Variants in ARB2A observed in about 807,000 individuals in gnomAD.
The protein encoded by ARB2A is cotranscriptional regulator ARB2A.
chr5:94,019,417 G>A, the ARB2A span, among the ~76,000 whole-genome samples: 1 of 152,028 alleles, frequency 6.6e-6, no homozygotes, highest in Admixed American at 6.6e-5. Flanking sequence ...CTAATATCCA[G>A]AATCTACAAA....
At chr5:93,950,504 G>A in the ARB2A span, among the ~76,000 whole-genome samples, 2 of 152,128 alleles carry the variant, frequency 1.3e-5, no homozygotes, top group Non-Finnish European at 2.9e-5. Flanking sequence ...TTAGCCAGGC[G>A]TGGTGGTGCA....
At chr5:94,054,066 C>T in the ARB2A span, among the ~76,000 whole-genome samples, 1 of 152,178 alleles carries the variant, frequency 6.6e-6, no homozygotes, top group African/African-American at 2.4e-5. Context: ...CCATGCCTCG[C>T]TGAGTTTTGG....
the ARB2A span, among the ~76,000 whole-genome samples, chr5:93,948,076 A>T: frequency 1.1e-4 from 17 of 152,178 alleles, no homozygotes. Context: ...TAGATCCCTG[A>T]GGAATCGCCA....
chr5:93,732,032 T>C, the ARB2A span, among the ~76,000 whole-genome samples: 2 of 152,160 alleles, frequency 1.3e-5, no homozygotes, highest in Non-Finnish European at 2.9e-5. Context: ...ATAGCTATGC[T>C]CCTAGCTGGA....
chr5:93,916,409 T>C, the ARB2A span, among the ~76,000 whole-genome samples: 1 of 152,176 alleles, frequency 6.6e-6, no homozygotes, highest in Non-Finnish European at 1.5e-5. Flanking sequence ...AATGTATATT[T>C]ACAATGTATT....
At chr5:93,755,633 A>G in the ARB2A span, among the ~76,000 whole-genome samples, 1 of 152,172 alleles carries the variant, frequency 6.6e-6, no homozygotes, top group Non-Finnish European at 1.5e-5. Context: ...CTAAAGGTCT[A>G]TTTGCTGGAG....
At chr5:93,887,953 TCTTCC>T in the ARB2A span, among the ~76,000 whole-genome samples, 1 of 151,878 alleles carries the variant, frequency 6.6e-6, no homozygotes, top group Non-Finnish European at 1.5e-5. Flanking sequence ...TGAAATTGTA[TCTTCC>T]CTTGTTCCCT....
chr5:93,680,302 A>C, the ARB2A span, among the ~76,000 whole-genome samples: 9 of 152,226 alleles, frequency 5.9e-5, no homozygotes, highest in East Asian at 1.7e-3. Context: ...GTAAATCACA[A>C]CATCTAGTTA....
the ARB2A span, among the ~76,000 whole-genome samples, chr5:94,048,485 G>C: frequency 6.6e-6 from 1 of 152,184 alleles, no homozygotes; most frequent in Non-Finnish European, 1.5e-5. Context: ...ATAGAAGCTA[G>C]CAAGTTAGCC....
chr5:93,942,462 TTG>T, the ARB2A span, among the ~76,000 whole-genome samples: 1 of 152,034 alleles, frequency 6.6e-6, no homozygotes, highest in East Asian at 1.9e-4. Flanking sequence ...AGAAAAAAAT[TTG>T]TGTTTATTAA....
At chr5:93,638,567 C>T in the ARB2A span, among the ~76,000 whole-genome samples, 2 of 151,858 alleles carry the variant, frequency 1.3e-5, no homozygotes, top group African/African-American at 2.4e-5. Context: ...AATCCCAGCA[C>T]TTTGGGAGGC....
the ARB2A span, among the ~76,000 whole-genome samples, chr5:94,009,747 T>C: frequency 6.6e-6 from 1 of 152,018 alleles, no homozygotes; most frequent in East Asian, 1.9e-4. Context: ...ATAGCATTAT[T>C]TGAGTGAGAT....
chr5:93,780,132 G>A, the ARB2A span, among the ~76,000 whole-genome samples: 26 of 152,086 alleles, frequency 1.7e-4, no homozygotes, highest in African/African-American at 5.8e-4. Context: ...GTTGTAAATC[G>A]CCATTGCTTT....
the ARB2A span, among the ~76,000 whole-genome samples, chr5:93,763,023 C>T: frequency 6.6e-6 from 1 of 151,140 alleles, no homozygotes; most frequent in Admixed American, 6.6e-5. Flanking sequence ...TCACCAACTG[C>T]CCTAAAAGAG....
At chr5:94,108,250 A>G in the ARB2A span, among the ~76,000 whole-genome samples, 35 of 152,130 alleles carry the variant, frequency 2.3e-4, no homozygotes, top group Non-Finnish European at 4.4e-4. Flanking sequence ...GCCATTTAAT[A>G]TACTCCTTTT....
chr5:94,109,396 C>T, the ARB2A span, among the ~76,000 whole-genome samples: 1 of 152,140 alleles, frequency 6.6e-6, no homozygotes, highest in Non-Finnish European at 1.5e-5. Context: ...TACTTAGTTA[C>T]CAATGACTAC....
At chr5:94,102,182 C>G in the ARB2A span, among the ~76,000 whole-genome samples, 1 of 151,144 alleles carries the variant, frequency 6.6e-6, no homozygotes, top group African/African-American at 2.4e-5. Flanking sequence ...CTTAACCAGG[C>G]TGAAATTATA....
the ARB2A span, chr5:93,806,051 G>T: frequency 1.7e-6 from 1 of 583,690 alleles, no homozygotes; most frequent in Non-Finnish European, 2.2e-6. Flanking sequence ...AACCACCAGA[G>T]ACAAGTAAAT....
chr5:93,619,220 ATGT>A, the ARB2A span: 5 of 152,202 alleles, frequency 3.3e-5, no homozygotes, highest in Non-Finnish European at 5.9e-5. Context: ...AATGTGCTTG[ATGT>A]TGTTGGGGTT....
Sources: allele counts gnomAD v4.1 joint callset (sites outside exome capture counted in the v4.1 genomes callset), GRCh38; gene constraint gnomAD v4.1.1; transcripts MANE v1.5; gene names NCBI Gene and HGNC (gene_info 2026-07-23, HGNC 2026-07-21).